TOX: variants seen among roughly 807,000 people sequenced by gnomAD.
TOX encodes thymocyte selection associated high mobility group box, also known as thymocyte selection-associated high mobility group box protein TOX.
TOX carries 11 observed loss-of-function variants against 53.7 expected under a neutral mutation model. That is an observed-to-expected ratio of 0.20 (90% CI 0.13 to 0.34). The LOEUF (loss-of-function observed/expected upper bound fraction) is 0.34, where lower values mean the gene tolerates loss of function less well. Ranked by LOEUF, TOX falls within the 10% of genes least tolerant of loss-of-function variation. The probability of loss-of-function intolerance (pLI) is 1.00; values close to 1 mark genes in which losing one functional copy is unlikely to be tolerated. For missense variants in TOX, 570 were observed against 664.6 expected (o/e 0.86, Z 1.56); for synonymous variants, 225 against 245.3 (o/e 0.92, Z 0.77).
rs544007151 is a variant in TOX at position 58,825,669 on chromosome 8, C to T, written c.1005+1153G>A. 3.6e-3 allele frequency among the ~76,000 whole-genome samples: 554 copies of T among 152,260 alleles called. 2 individuals are homozygous for T. The highest frequency in any genetic ancestry group is 5.9e-3 in the Non-Finnish European group (402 of 68,004). ...AGGAGAATTAACTTTTTAAAAGCCCCGCTATGTTTTTGGCATAATTATCTG... is the reference window on the plus strand; with the variant it reads ...AGGAGAATTAACTTTTTAAAAGCCCTGCTATGTTTTTGGCATAATTATCTG... On this transcript the variant is annotated intron_variant, in intron 6 of 8. Coordinates refer to ENST00000361421, the MANE Select transcript of TOX (RefSeq NM_014729.3).
rs546305890 is a variant in TOX, at chr8:58,937,224, A to G, written c.411+2078T>C. ...GCTCATCTTCAAGAACTAGAATAGC[A>G]AATCAGAGCTTCATTCCTTTATCTT... On this transcript the variant is annotated intron_variant, in intron 3 of 8. Transcript: ENST00000361421. Among the ~76,000 whole-genome samples the G allele has an allele frequency of 2.6e-5, 4 of 152,384 alleles. No individual in the cohort carries two copies. In the South Asian group the frequency reaches 8.3e-4, roughly 32 times the overall value.
intron 1 of TOX, among the ~76,000 whole-genome samples, chr8:59,062,906 G>T (rs1585995961): frequency 6.6e-6 from 1 of 152,106 alleles, no homozygotes; most frequent in Non-Finnish European, 1.5e-5. Flanking sequence ...TGATAATATG[G>T]ATTAACTTCT....
intron 1 of TOX, among the ~76,000 whole-genome samples, chr8:58,987,448 T>C (rs1011066224): frequency 6.6e-6 from 1 of 152,198 alleles, no homozygotes; most frequent in Admixed American, 6.5e-5. Context: ...TTTGCATTCA[T>C]TAAGTTAGCC....
At chr8:59,105,321 T>C (rs531940002) in intron 1 of TOX, among the ~76,000 whole-genome samples, 9 of 152,320 alleles carry the variant, frequency 5.9e-5, no homozygotes, top group African/African-American at 2.2e-4. Context: ...ATTACCAGAA[T>C]ATCATCTTTA....
chr8:58,961,296 C>A (rs975076290), intron 1 of TOX, among the ~76,000 whole-genome samples: 1 of 152,164 alleles, frequency 6.6e-6, no homozygotes, highest in African/African-American at 2.4e-5. Context: ...CGAGACTAAG[C>A]TCAGAGAATC....
intron 3 of TOX, among the ~76,000 whole-genome samples, chr8:58,855,667 G>A (rs1346111225): frequency 6.6e-6 from 1 of 152,066 alleles, no homozygotes; most frequent in Non-Finnish European, 1.5e-5. Context: ...TAATCTTCAT[G>A]AGCCATGGGC....
intron 1 of TOX, among the ~76,000 whole-genome samples, chr8:59,045,280 C>CT (rs1272268591): frequency 6.6e-6 from 1 of 152,086 alleles, no homozygotes; most frequent in Non-Finnish European, 1.5e-5. Flanking sequence ...CACTGTATTT[C>CT]TTTTCAAATA....
chr8:58,885,458 C>T (rs980442386), intron 3 of TOX, among the ~76,000 whole-genome samples: 1 of 152,142 alleles, frequency 6.6e-6, no homozygotes, highest in South Asian at 2.1e-4. Flanking sequence ...CTATGTGTCA[C>T]CTTACTCTGG....
intron 1 of TOX, among the ~76,000 whole-genome samples, chr8:59,103,198 TA>T (rs1468024303): frequency 6.6e-6 from 1 of 152,144 alleles, no homozygotes; most frequent in Non-Finnish European, 1.5e-5. Context: ...TAGACTAAGA[TA>T]AAATACTTTG....
intron 1 of TOX, among the ~76,000 whole-genome samples, chr8:59,058,115 T>A (rs982165088): frequency 6.6e-6 from 1 of 152,166 alleles, no homozygotes; most frequent in Non-Finnish European, 1.5e-5. Flanking sequence ...AAGAAAAAAA[T>A]GATTAAGCAA....
At chr8:58,844,620 C>T (rs1810693716) in intron 4 of TOX, among the ~76,000 whole-genome samples, 1 of 152,100 alleles carries the variant, frequency 6.6e-6, no homozygotes, top group Admixed American at 6.6e-5. Context: ...TGGTATTCTA[C>T]AGCAGTGGGC....
intron 1 of TOX, among the ~76,000 whole-genome samples, chr8:59,067,414 C>T (rs1392070672): frequency 6.6e-6 from 1 of 151,930 alleles, no homozygotes; most frequent in African/African-American, 2.4e-5. Flanking sequence ...ATTAGCCACC[C>T]ATGATGGTGC....
chr8:59,085,979 CTTTTTTTTT>C (rs35593177), intron 1 of TOX, among the ~76,000 whole-genome samples: 1 of 88,824 alleles, frequency 1.1e-5, no homozygotes, highest in Non-Finnish European at 2.2e-5. Flanking sequence ...CTTTTCTTTT[CTTTTTTTTT>C]TTTTTTTTTT....
intron 3 of TOX, among the ~76,000 whole-genome samples, chr8:58,911,323 T>C (rs1467201222): frequency 6.6e-6 from 1 of 152,224 alleles, no homozygotes; most frequent in Non-Finnish European, 1.5e-5. Context: ...GATACTTCAA[T>C]GGCACTACTT....
chr8:59,044,675 T>C (rs1421757284), intron 1 of TOX, among the ~76,000 whole-genome samples: 1 of 152,194 alleles, frequency 6.6e-6, no homozygotes, highest in Non-Finnish European at 1.5e-5. Flanking sequence ...TGTGTTAAAA[T>C]AGAGGGTTTT....
rs917614147 is a variant in TOX at position 58,848,681 on chromosome 8, T to C, written c.693+2843A>G. On this transcript the variant is annotated intron_variant, in intron 4 of 8. Transcript: ENST00000361421. ...ACAAGCTGCCTAAGTTTGTATTTCT[T>C]TGATGCTTTACTGTGTCTCATTATG... 2.0e-5 allele frequency among the ~76,000 whole-genome samples: 3 copies of C among 152,266 alleles called. No homozygotes were observed. The East Asian group carries it at 5.8e-4, about 29-fold the overall frequency.
At chr8:59,058,470 C>T (rs1425826396) in intron 1 of TOX, among the ~76,000 whole-genome samples, 1 of 152,192 alleles carries the variant, frequency 6.6e-6, no homozygotes, top group Non-Finnish European at 1.5e-5. Context: ...AATCCACATG[C>T]TTGCCCACTG....
intron 5 of TOX, among the ~76,000 whole-genome samples, chr8:58,832,261 A>G (rs1340055616): frequency 1.3e-5 from 2 of 150,582 alleles, no homozygotes; most frequent in African/African-American, 2.4e-5. Context: ...ACCATTTCAT[A>G]TAATAATTTT....
intron 1 of TOX, among the ~76,000 whole-genome samples, chr8:59,038,736 T>G (rs1247269743): frequency 6.6e-6 from 1 of 152,232 alleles, no homozygotes; most frequent in Non-Finnish European, 1.5e-5. Flanking sequence ...CTTGGGCTGG[T>G]GCACTACCCC....
Sources: allele counts gnomAD v4.1 joint callset (sites outside exome capture counted in the v4.1 genomes callset), GRCh38; gene constraint gnomAD v4.1.1; transcripts MANE v1.5; gene names NCBI Gene and HGNC (gene_info 2026-07-23, HGNC 2026-07-21).